Variants in CIB4 observed in about 807,000 individuals in gnomAD.
The protein encoded by CIB4 is calcium and integrin-binding family member 4.
In CIB4, 25 loss-of-function variants were observed where a neutral mutation model predicts 25.8. The ratio of observed to expected loss-of-function variants is 0.97; its 90% CI spans 0.71 to 1.35. The LOEUF is 1.35. CIB4 is among the 40% of genes most tolerant of loss of function. The pLI, the probability that CIB4 is intolerant of heterozygous loss-of-function variation, is 0.00. For missense variants in CIB4, 235 were observed against 228.2 expected, an observed-to-expected ratio of 1.03 and a Z score of -0.19; for synonymous variants, 75 against 81.4, an observed-to-expected ratio of 0.92 and a Z score of 0.42.
At chr2:26,619,124 G>A (rs189300372) in intron 3 of CIB4, among the ~76,000 whole-genome samples, 6 of 152,340 alleles carry the variant, frequency 3.9e-5, no homozygotes, top group East Asian at 3.9e-4. Flanking sequence ...AGAACCAGGC[G>A]TGGGAGCCTC....
rs540165069 is a variant in CIB4, at chr2:26,634,284, T to G, written c.90-4778A>C. Among the ~76,000 whole-genome samples, 216 of 152,322 alleles carry G rather than the reference T, an allele frequency of 1.4e-3. 1 individual carries two copies. Among genetic ancestry groups the G allele is most frequent in the African/African-American group, 5.1e-3 (210 of 41,576 alleles). The stretch of plus-strand genomic sequence containing the variant: ...TCAATAGTCCTTTGCTCTACAGTAC[T>G]GCCTGCAGATAGTAGATATTTTCTA... On this transcript the variant is annotated intron_variant, in intron 2 of 6. Transcript: ENST00000288861.
At chr2:26,581,638 A>G (rs1319194050) in intron 6 of CIB4, among the ~76,000 whole-genome samples, 1 of 152,220 alleles carries the variant, frequency 6.6e-6, no homozygotes, top group Non-Finnish European at 1.5e-5. Context: ...CAGTGGAAAG[A>G]AATGGAAGAG....
intron 3 of CIB4, among the ~76,000 whole-genome samples, chr2:26,609,201 C>A (rs925318243): frequency 3.7e-4 from 57 of 152,120 alleles, no homozygotes; most frequent in Admixed American, 6.5e-4. Context: ...AGTGGGGACG[C>A]CCCTCTGGTC....
chr2:26,606,218 G>A (rs974158857), intron 3 of CIB4, among the ~76,000 whole-genome samples: 4 of 152,248 alleles, frequency 2.6e-5, no homozygotes, highest in Non-Finnish European at 5.9e-5. Context: ...TGCACTCCAA[G>A]AAACTCAGCC....
At chr2:26,623,452 T>C (rs1461242602) in intron 3 of CIB4, 1 of 458,162 alleles carries the variant, frequency 2.2e-6, no homozygotes, top group South Asian at 1.6e-5. Context: ...ATTTCAGGAC[T>C]TTTCATCGCT....
In CIB4 at chr2:26,595,892, T is replaced by TGC. The variant is rs78591916; in HGVS notation, c.187-577_187-576dup. Among the ~76,000 whole-genome samples, 361 of 44,700 alleles carry TGC rather than the reference T, an allele frequency of 8.1e-3. 3 individuals are homozygous for TGC. Among genetic ancestry groups the TGC allele is most frequent in the African/African-American group, 0.018 (354 of 19,534 alleles). The allele number at this position is 44,700 out of a possible 152,430, so 29.3% of individuals were successfully genotyped here. Reference sequence around the variant, plus strand: ...TTAGATCCATGTCACATGACTTATCTGCGCGCACACACACACACACACACA... The same window carrying TGC: ...TTAGATCCATGTCACATGACTTATCTGCGCGCGCACACACACACACACACACA... On this transcript the variant is annotated intron_variant, in intron 3 of 6. Coordinates refer to ENST00000288861, the MANE Select transcript of CIB4 (RefSeq NM_001029881.3).
chr2:26,631,342 G>T (rs1669416812), intron 2 of CIB4, among the ~76,000 whole-genome samples: 1 of 152,146 alleles, frequency 6.6e-6, no homozygotes, highest in Admixed American at 6.5e-5. Context: ...AGGCATACTG[G>T]CACGCACCTA....
Position 26,590,493 on chromosome 2 carries a change from G to T in CIB4, c.328+4683C>A, listed in dbSNP as rs1668567652. On this transcript the variant is annotated intron_variant, in intron 4 of 6. Transcript: ENST00000288861. Reference sequence around the variant, plus strand: ...CCACACCGGGGGTAGCAAGGGGCCGGAGCACTGAGTTCCGTCTTTGGACGG... The same window carrying T: ...CCACACCGGGGGTAGCAAGGGGCCGTAGCACTGAGTTCCGTCTTTGGACGG... Among the ~76,000 whole-genome samples the T allele has an allele frequency of 2.0e-5, 3 of 152,140 alleles. No individual in the cohort carries two copies. In the South Asian group the frequency reaches 6.2e-4, roughly 32 times the overall value.
In CIB4 at chr2:26,640,056, CAG is replaced by C. The variant is rs554965979; in HGVS notation, c.89+475_89+476del. ...GCGGGGCTGCTCACCACCCCACCCT[CAG>C]GGCCTCCACGAGGCCAGCACATCAC... On this transcript the variant is annotated intron_variant, in intron 2 of 6. Coordinates refer to ENST00000288861, the MANE Select transcript of CIB4 (RefSeq NM_001029881.3). Among the ~76,000 whole-genome samples the C allele has an allele frequency of 1.1e-4, 16 of 141,114 alleles. No homozygotes were observed. In the South Asian group the frequency reaches 4.0e-3, roughly 35 times the overall value. The allele number at this position is 141,114 out of a possible 152,430, so 92.6% of individuals were successfully genotyped here.
chr2:26,599,387 A>C (rs1354201856), intron 3 of CIB4, among the ~76,000 whole-genome samples: 1 of 152,226 alleles, frequency 6.6e-6, no homozygotes, highest in Non-Finnish European at 1.5e-5. Context: ...AAAAAACTAA[A>C]AGTTTTCTTT....
At chr2:26,617,193 G>T (rs1286962764) in intron 3 of CIB4, among the ~76,000 whole-genome samples, 1 of 150,608 alleles carries the variant, frequency 6.6e-6, no homozygotes, top group Non-Finnish European at 1.5e-5. Context: ...GCATGTAGGA[G>T]GTGGGATTCA....
Position 26,627,221 on chromosome 2 carries a change from C to T in CIB4, c.186+2189G>A, listed in dbSNP as rs527453399. On this transcript the variant is annotated intron_variant, in intron 3 of 6. Coordinates refer to ENST00000288861, the MANE Select transcript of CIB4 (RefSeq NM_001029881.3). This position sits in a 1 kb window ranked among gnomAD's most constrained non-coding sequence, Gnocchi z 4.0. The stretch of plus-strand genomic sequence containing the variant: ...GGCACATGGTCACTGCTCAGCCAAG[C>T]CTTGATTAGAATAGGAGGCTCTGCC... Among the ~76,000 whole-genome samples, 2 of 152,296 alleles carry T rather than the reference C, an allele frequency of 1.3e-5. No individual in the cohort carries two copies. The highest frequency in any genetic ancestry group is 4.8e-5 in the African/African-American group (2 of 41,564).
chr2:26,618,252 C>A (rs1315231304), intron 3 of CIB4, among the ~76,000 whole-genome samples: 1 of 152,142 alleles, frequency 6.6e-6, no homozygotes, highest in Non-Finnish European at 1.5e-5. Context: ...CTTTGAGACC[C>A]CTCCAGCCCA....
intron 1 of CIB4, among the ~76,000 whole-genome samples, chr2:26,640,865 C>A (rs1336892679): frequency 6.6e-6 from 1 of 152,074 alleles, no homozygotes; most frequent in Admixed American, 6.5e-5. Context: ...AGGAAGGTAA[C>A]CTTAGAGATC....
intron 3 of CIB4, among the ~76,000 whole-genome samples, chr2:26,628,057 C>A (rs377610123): frequency 4.5e-4 from 68 of 152,292 alleles, no homozygotes; most frequent in African/African-American, 1.5e-3. Context: ...TGAACAATGA[C>A]AAACTGAAGT....
intron 3 of CIB4, among the ~76,000 whole-genome samples, chr2:26,601,231 A>ATATAT (rs1553374674): frequency 3.5e-4 from 6 of 17,220 alleles, no homozygotes; most frequent in African/African-American, 9.0e-4. Context: ...AAAAAAAAAA[A>ATATAT]ATATATATAT....
At chr2:26,606,603 T>C (rs1196550813) in intron 3 of CIB4, among the ~76,000 whole-genome samples, 5 of 152,168 alleles carry the variant, frequency 3.3e-5, no homozygotes, top group Non-Finnish European at 7.3e-5. Context: ...TCAGAGACTC[T>C]AGCTGGTTGG....
chr2:26,606,491 C>G (rs1668892528), intron 3 of CIB4, among the ~76,000 whole-genome samples: 1 of 152,140 alleles, frequency 6.6e-6, no homozygotes, highest in Non-Finnish European at 1.5e-5. Context: ...GAGGACTCCC[C>G]CCTCCTCCCG....
chr2:26,589,093 T>C lies in CIB4; in HGVS notation c.329-5195A>G, dbSNP rs71441035. ...CTTCCTCTTCTTCTTCTTCTTCTTC[T>C]TCTTCTTCTTCTTCCTCTTCTTCTT... On this transcript the variant is annotated intron_variant, in intron 4 of 6. Transcript: ENST00000288861. Among the ~76,000 whole-genome samples the C allele has an allele frequency of 5.5e-3, 508 of 92,694 alleles. 42 individuals carry two copies. The highest frequency in any genetic ancestry group is 0.013 in the African/African-American group (202 of 16,118). The allele number at this position is 92,694 out of a possible 152,430, so 60.8% of individuals were successfully genotyped here.
Sources: gnomAD v4.1 joint callset for allele counts (sites outside exome capture counted in the v4.1 genomes callset) on GRCh38, gnomAD v4.1.1 for gene constraint, Gnocchi (gnomAD v3.1) non-coding constraint, MANE v1.5 for transcripts, NCBI Gene and HGNC (gene_info 2026-07-23, HGNC 2026-07-21) for gene names.